The following CHD4 variants were observed in gnomAD, a reference collection of about 807,000 sequenced individuals.
CHD4 encodes chromodomain helicase DNA binding protein 4, also known as ATP-dependent chromatin remodeler CHD4.
A neutral mutation model predicts 235.5 loss-of-function variants in CHD4; 35 were observed. The ratio of observed to expected loss-of-function variants is 0.15; its 90% CI spans 0.11 to 0.20. The LOEUF (loss-of-function observed/expected upper bound fraction) is 0.20. Among genes scored for constraint, CHD4 ranks in the 10% least tolerant of loss-of-function variants. CHD4 has a pLI of 1.00. For synonymous variants in CHD4, 900 were observed against 850.2 expected (o/e 1.06, Z -1.02); for missense variants, 1,329 against 2,432.3 (o/e 0.55, Z 9.54).
intron 2 of CHD4, among the ~76,000 whole-genome samples, chr12:6,604,747 G>A (rs1034451520): frequency 6.6e-6 from 1 of 152,180 alleles, no homozygotes; most frequent in Non-Finnish European, 1.5e-5. Context: ...GAAGATTTAG[G>A]AAAGGGACAG....
intron 33 of CHD4, chr12:6,580,720 A>C (rs1428911482): frequency 1.2e-5 from 3 of 241,108 alleles, no homozygotes; most frequent in Non-Finnish European, 2.3e-5. Context: ...AAAAAAAAAA[A>C]AAAAAAAGCC....
rs1457063889 is a variant in CHD4 at position 6,606,395 on chromosome 12, G to A, written c.-22C>T. The A allele has an allele frequency of 2.6e-6, 4 of 1,545,670 alleles. No homozygotes were observed. The African/African-American group carries it at 5.7e-5, about 22-fold the overall frequency. On this transcript the variant is annotated 5_prime_UTR_variant, in exon 2 of 40. Transcript: ENST00000544040. The stretch of plus-strand genomic sequence containing the variant: ...CCATCCCCTTCCGCTCCCGGCCAGG[G>A]AATTGGCCCAGCTGCTCCTGCCGGC...
At chr12:6,598,670 G>A (rs770414350) in intron 10 of CHD4, among the ~76,000 whole-genome samples, 2 of 152,148 alleles carry the variant, frequency 1.3e-5, no homozygotes, top group African/African-American at 4.8e-5. Flanking sequence ...TTAGCTGGGC[G>A]TGGTGGCATG....
chr12:6,592,913 C>G (rs1287698672), intron 17 of CHD4, 96 bp from the exon 18 acceptor site: 18 of 1,523,668 alleles, frequency 1.2e-5, no homozygotes, highest in Non-Finnish European at 1.6e-5. Context: ...AATAGTTAAG[C>G]ATCCCACTCC....
chr12:6,603,977 T>C (rs755161099), intron 2 of CHD4, among the ~76,000 whole-genome samples: 2 of 152,016 alleles, frequency 1.3e-5, no homozygotes, highest in Non-Finnish European at 2.9e-5. Context: ...ACCTAGACAG[T>C]GGTAGAAGAG....
chr12:6,589,201 G>A (rs1948350608), intron 22 of CHD4, among the ~76,000 whole-genome samples: 1 of 152,060 alleles, frequency 6.6e-6, no homozygotes, highest in South Asian at 2.1e-4. Flanking sequence ...AAGAATGTCA[G>A]AATATAAAAC....
At chr12:6,590,996 G>A (rs1034485478) in intron 22 of CHD4, among the ~76,000 whole-genome samples, 1 of 151,754 alleles carries the variant, frequency 6.6e-6, no homozygotes, top group Non-Finnish European at 1.5e-5. Context: ...GGTGGCACAC[G>A]CCTGTTGTCC....
chr12:6,580,983 G>T, intron 33 of CHD4, 61 bp downstream of exon 33: 1 of 1,583,888 alleles, frequency 6.3e-7, no homozygotes, highest in Non-Finnish European at 8.6e-7. Flanking sequence ...CTCCAGCCTG[G>T]CGGCAGCACT....
intron 37 of CHD4, among the ~76,000 whole-genome samples, chr12:6,573,972 A>T (rs1485115749): frequency 6.6e-6 from 1 of 152,172 alleles, no homozygotes; most frequent in Non-Finnish European, 1.5e-5. Context: ...GCAGTGAGCC[A>T]GGATCGCGCC....
chr12:6,581,487 G>A (rs77843719), intron 31 of CHD4, 99 bp from the exon 32 acceptor site: 78,625 of 1,497,746 alleles, frequency 0.052, 2,513 homozygotes, highest in Non-Finnish European at 0.064. Context: ...GTCCTCTCGT[G>A]CCTTTAAGAG....
chr12:6,580,933 G>C, intron 33 of CHD4, 111 bp downstream of exon 33: 1 of 1,196,256 alleles, frequency 8.4e-7, no homozygotes, highest in South Asian at 1.4e-5. Flanking sequence ...CTCGAACCTG[G>C]GAGGTGGAGG....
chr12:6,594,736 T>C (rs1205194642), intron 14 of CHD4, 86 bp from the exon 15 acceptor site: 1 of 1,218,860 alleles, frequency 8.2e-7, no homozygotes, highest in Non-Finnish European at 1.1e-6. Context: ...TCACTAGTCT[T>C]CACGGATCCT....
Position 6,595,346 on chromosome 12 carries a change from C to G in CHD4, c.2109G>C (p.Thr703=). ...CACCCCCACTCACATCAACTGTTGG[C>G]GTTTCTGGAGGCCTCTCCAACTTCC... The part of the protein sequence containing the change: ...KLRKLERPPE[T]PTVDPTVKYE... The change falls in exon 14 of 40, where the codon ACG becomes ACC. Residue 703 remains threonine, a synonymous_variant. Transcript: ENST00000544040. The G allele has an allele frequency of 1.2e-6, 2 of 1,613,904 alleles. No homozygotes were observed. The highest frequency in any genetic ancestry group is 1.7e-6 in the Non-Finnish European group (2 of 1,179,814).
rs1303912304 is a variant in CHD4, at chr12:6,601,362, T to C, written c.726A>G (p.Thr242=). The C allele has an allele frequency of 2.0e-5, 33 of 1,614,000 alleles. No homozygotes were observed. The highest frequency in any genetic ancestry group is 2.7e-5 in the Non-Finnish European group (32 of 1,180,026). ...AAVAVVESMV[T]ATEVAPPPPP... is the part of the protein sequence containing the mutation. ...GAGGTGGTGGTGCAACCTCAGTGGC[T>C]GTCACCATGCTCTCCACCACAGCTA... Residue 242 remains threonine, a synonymous_variant, in exon 6 of 40, where the codon ACA becomes ACG. Transcript: ENST00000544040.
chr12:6,606,497 A>C (rs1168753000), intron 1 of CHD4, 46 bp from the exon 2 acceptor site: 16 of 552,558 alleles, frequency 2.9e-5, no homozygotes, highest in Non-Finnish European at 5.0e-5. Context: ...AGTGACGCGC[A>C]CTGTCCCCCT....
intron 22 of CHD4, among the ~76,000 whole-genome samples, chr12:6,589,888 G>A (rs1246455611): frequency 1.3e-5 from 2 of 151,816 alleles, no homozygotes; most frequent in Non-Finnish European, 2.9e-5. Flanking sequence ...CAAAATAACT[G>A]AACAGTGCTT....
Position 6,580,727 on chromosome 12 carries a change from A to G in CHD4, c.4909+317T>C, listed in dbSNP as rs112923427. 444 of 244,528 alleles carry G rather than the reference A, an allele frequency of 1.8e-3. 6 individuals carry two copies. Among genetic ancestry groups the G allele is most frequent in the African/African-American group, 0.012 (376 of 32,542 alleles). 15.1% of individuals were successfully genotyped at this position (244,528 alleles called of 1,614,324 possible). ...TTGAAAAAAAAAAAAAAAAAAAAAA[A>G]GCCAGGCACAGTGGCTCATGCCTGT... On this transcript the variant is annotated intron_variant, in intron 33 of 39. Transcript: ENST00000544040.
intron 22 of CHD4, among the ~76,000 whole-genome samples, chr12:6,588,837 C>T (rs1948345047): frequency 6.6e-6 from 1 of 151,842 alleles, no homozygotes; most frequent in African/African-American, 2.4e-5. Flanking sequence ...CCCAGCTACT[C>T]AGGAAGCTGA....
At position 6,587,504 on chromosome 12, in the gene CHD4, G is replaced by A. The variant is rs71584866; in HGVS notation, c.3759C>T (p.Ala1253=). 89 of 1,614,128 alleles carry A rather than the reference G, an allele frequency of 5.5e-5. No individual in the cohort carries two copies. The highest frequency in any genetic ancestry group is 7.3e-5 in the Non-Finnish European group (86 of 1,180,024). ...DSSVIHYDDK[A]IERLLDRNQD... Reference sequence around the variant, plus strand: ...GGTTACGGTCTAGCAGCCGTTCAATGGCCTTATCATCGTAGTGGATAACAC... The same window carrying A: ...GGTTACGGTCTAGCAGCCGTTCAATAGCCTTATCATCGTAGTGGATAACAC... The change falls in exon 25 of 40, where the codon GCC becomes GCT. Residue 1253 remains alanine, a synonymous_variant. Coordinates refer to ENST00000544040, the MANE Select transcript of CHD4 (RefSeq NM_001273.5).
Sources: gnomAD v4.1 joint callset for allele counts (sites outside exome capture counted in the v4.1 genomes callset) on GRCh38, gnomAD v4.1.1 for gene constraint, MANE v1.5 for transcripts, NCBI Gene and HGNC (gene_info 2026-07-23, HGNC 2026-07-21) for gene names.